The following FBXO11 variants were observed in gnomAD, a reference collection of about 807,000 sequenced individuals.
FBXO11 encodes the protein F-box protein 11.
Under a neutral mutation model 117.0 loss-of-function variants are expected in FBXO11, and 13 were observed. The observed-to-expected ratio is 0.11, with a 90% confidence interval of 0.07 to 0.18. FBXO11 has a LOEUF of 0.18. FBXO11 is among the 10% of genes least tolerant of loss of function. The probability of loss-of-function intolerance (pLI) is 1.00; values close to 1 mark genes in which losing one functional copy is unlikely to be tolerated. For missense variants in FBXO11, 767 were observed against 1,164.4 expected (o/e 0.66, Z 4.97); for synonymous variants, 490 against 380.5 (o/e 1.29, Z -3.35).
At chr2:47,855,313 A>G (rs1046697487) in intron 1 of FBXO11, among the ~76,000 whole-genome samples, 1 of 151,812 alleles carries the variant, frequency 6.6e-6, no homozygotes, top group Non-Finnish European at 1.5e-5. Context: ...TGATCCTCCC[A>G]CACCTCAGCC....
chr2:47,868,962 C>T (rs574155544), intron 1 of FBXO11, among the ~76,000 whole-genome samples: 1 of 152,202 alleles, frequency 6.6e-6, no homozygotes, highest in South Asian at 2.1e-4. Flanking sequence ...TACCCCGTTC[C>T]CAGCATCCTG....
At chr2:47,853,734 G>C (rs754802138) in intron 1 of FBXO11, among the ~76,000 whole-genome samples, 3 of 152,128 alleles carry the variant, frequency 2.0e-5, no homozygotes, top group Non-Finnish European at 4.4e-5. Flanking sequence ...ATACTTAACA[G>C]TACCTGGCAG....
At chr2:47,829,244 A>G (rs1672002731) in intron 11 of FBXO11, among the ~76,000 whole-genome samples, 1 of 142,578 alleles carries the variant, frequency 7.0e-6, no homozygotes, top group Non-Finnish European at 1.5e-5. Context: ...TTATTTATTT[A>G]TTTATTTATT....
At chr2:47,819,293 C>A (rs565447676) in intron 14 of FBXO11, among the ~76,000 whole-genome samples, 1 of 152,232 alleles carries the variant, frequency 6.6e-6, no homozygotes, top group South Asian at 2.1e-4. Flanking sequence ...CTTGGCTCAC[C>A]ACAACCTTCG....
intron 1 of FBXO11, among the ~76,000 whole-genome samples, chr2:47,858,770 C>T (rs180849014): frequency 1.3e-5 from 2 of 150,708 alleles, no homozygotes; most frequent in African/African-American, 2.4e-5. Flanking sequence ...AAGGGTCGGG[C>T]GCAGTGGCTT....
At chr2:47,821,810 G>C (rs1485288794) in intron 13 of FBXO11, among the ~76,000 whole-genome samples, 1 of 151,920 alleles carries the variant, frequency 6.6e-6, no homozygotes, top group Non-Finnish European at 1.5e-5. Context: ...AAAAATTAAA[G>C]GGCAGCGCAT....
chr2:47,847,999 T>C (rs998913492), intron 1 of FBXO11, among the ~76,000 whole-genome samples: 1 of 151,030 alleles, frequency 6.6e-6, no homozygotes, highest in African/African-American at 2.4e-5. Flanking sequence ...TGACGGGTGC[T>C]TGTAGTCCCA....
intron 16 of FBXO11, among the ~76,000 whole-genome samples, chr2:47,815,704 A>G (rs944340768): frequency 3.3e-5 from 5 of 152,328 alleles, no homozygotes; most frequent in African/African-American, 9.6e-5. Context: ...GAACCTCTTC[A>G]AAGCTGAAAT....
rs2077396326 is a variant in FBXO11 at position 47,905,617 on chromosome 2, GGCTGCGGCGGCGGCTGCTGCGGGGGCT to G, written c.77_103del (p.Gln26_Gln34del). The stretch of plus-strand genomic sequence containing the variant: ...CTGCTGGGGCGGCTGCTGCTGGGGC[GGCTGCGGCGGCGGCTGCTGCGGGGGCT>G]GCTGCTGCTGTTGCTGCACCGGGCG... On this transcript the variant is annotated inframe_deletion, in exon 1 of 23. Transcript: ENST00000403359. 2 of 1,367,122 alleles carry G rather than the reference GGCTGCGGCGGCGGCTGCTGCGGGGGCT, an allele frequency of 1.5e-6. No homozygotes were observed. Among genetic ancestry groups the G allele is most frequent in the African/African-American group, 1.5e-5 (1 of 66,050 alleles). 84.7% of individuals were successfully genotyped at this position (1,367,122 alleles called of 1,614,324 possible).
intron 1 of FBXO11, among the ~76,000 whole-genome samples, chr2:47,859,828 A>G (rs527782722): frequency 3.3e-5 from 5 of 152,210 alleles, no homozygotes; most frequent in African/African-American, 1.2e-4. Context: ...TAGGATCATG[A>G]AATAGTCTAT....
chr2:47,818,952 C>T lies in FBXO11; in HGVS notation c.1920+4G>A. ...TCCCATCCAAGAGTCCAGGCTAATC[C>T]TACCTGCTTGCCACTGTGTATCCGG... On this transcript the variant is annotated splice_donor_region_variant and intron_variant, in intron 15 of 22. Transcript: ENST00000403359. 6.2e-6 allele frequency: 10 copies of T among 1,612,888 alleles called. No individual in the cohort carries two copies. Among genetic ancestry groups the T allele is most frequent in the Non-Finnish European group, 8.5e-6 (10 of 1,179,760 alleles).
chr2:47,868,764 G>C (rs1675390386), intron 1 of FBXO11, among the ~76,000 whole-genome samples: 1 of 152,188 alleles, frequency 6.6e-6, no homozygotes, highest in Non-Finnish European at 1.5e-5. Flanking sequence ...TTTGGTAGCA[G>C]CAGAGGCCAA....
chr2:47,904,619 CACAA>C (rs1247859064), intron 1 of FBXO11, among the ~76,000 whole-genome samples: 2 of 125,214 alleles, frequency 1.6e-5, no homozygotes, highest in Non-Finnish European at 3.5e-5. Context: ...CACACACACA[CACAA>C]AATATCCCAA....
intron 1 of FBXO11, among the ~76,000 whole-genome samples, chr2:47,843,217 T>C (rs1370067688): frequency 6.6e-6 from 1 of 152,250 alleles, no homozygotes; most frequent in Non-Finnish European, 1.5e-5. Flanking sequence ...ATTAATAATA[T>C]GACCAGTAAA....
At chr2:47,886,196 C>CA (rs1441641613) in intron 1 of FBXO11, among the ~76,000 whole-genome samples, 1 of 152,000 alleles carries the variant, frequency 6.6e-6, no homozygotes, top group Admixed American at 6.6e-5. Context: ...CCCTTTGACC[C>CA]AATAACCCAC....
chr2:47,844,234 C>T (rs1349634114), intron 1 of FBXO11, among the ~76,000 whole-genome samples: 2 of 151,912 alleles, frequency 1.3e-5, no homozygotes, highest in African/African-American at 4.8e-5. Flanking sequence ...GCTTCATTTC[C>T]TTCTTTTATC....
At chr2:47,876,755 C>T (rs1026286218) in intron 1 of FBXO11, among the ~76,000 whole-genome samples, 15 of 152,224 alleles carry the variant, frequency 9.9e-5, no homozygotes, top group South Asian at 2.1e-4. Flanking sequence ...TTCAGCAGTG[C>T]GCTATTTCAA....
chr2:47,883,563 C>T lies in FBXO11; in HGVS notation c.232+21926G>A, dbSNP rs1004307393. On this transcript the variant is annotated intron_variant, in intron 1 of 22. Transcript: ENST00000403359. ...CAAGATCCAGGATAAGGAAGAAATT[C>T]GTCTGGATCGGCAAACACTGATGTT... 8.4e-5 allele frequency: 29 copies of T among 347,224 alleles called. No homozygotes were observed. The East Asian group carries it at 1.8e-3, about 22-fold the overall frequency. 21.5% of individuals were successfully genotyped at this position (347,224 alleles called of 1,614,324 possible). A position where few individuals can be genotyped will look rare whatever the true frequency, so the allele number is the denominator to read the frequency against.
Position 47,832,692 on chromosome 2 carries a change from A to T in FBXO11, c.1154-14T>A. ...CTGCAGAACCAACTGTAGAAAAATT[A>T]TTTATTTATGTAAAAACCTACTGGG... On this transcript the variant is annotated splice_polypyrimidine_tract_variant and intron_variant, in intron 9 of 22. Transcript: ENST00000403359. 6.2e-7 allele frequency: 1 copy of T among 1,611,864 alleles called. No individual in the cohort carries two copies. The highest frequency in any genetic ancestry group is 1.1e-5 in the South Asian group (1 of 90,758).
Sources: gnomAD v4.1 joint callset for allele counts (sites outside exome capture counted in the v4.1 genomes callset) on GRCh38, gnomAD v4.1.1 for gene constraint, MANE v1.5 for transcripts, NCBI Gene and HGNC (gene_info 2026-07-23, HGNC 2026-07-21) for gene names.